EDC3: variants seen among roughly 807,000 people sequenced by gnomAD.
EDC3 encodes enhancer of mRNA-decapping protein 3.
A neutral mutation model predicts 41.8 loss-of-function variants in EDC3; 20 were observed. The ratio of observed to expected loss-of-function variants is 0.48; its 90% CI spans 0.34 to 0.70. EDC3 has a LOEUF of 0.70. Among genes scored for constraint, EDC3 ranks in the 30% least tolerant of loss-of-function variants. The probability of loss-of-function intolerance (pLI) is 0.01; values close to 1 mark genes in which losing one functional copy is unlikely to be tolerated. For missense variants in EDC3, 444 were observed against 636.8 expected (o/e 0.70, Z 3.26); for synonymous variants, 206 against 243.2 (o/e 0.85, Z 1.42).
Position 74,649,226 on chromosome 15 carries a change from G to A in EDC3, c.820+6507C>T, listed in dbSNP as rs894088080. 1.1e-4 allele frequency among the ~76,000 whole-genome samples: 17 copies of A among 151,706 alleles called. No individual in the cohort carries two copies. The East Asian group carries it at 2.9e-3, about 26-fold the overall frequency. ...ACTACAGGCACCTGCCACCACGCCCGGCTAATTTTTTTTTTGTTATTTTTA... is the reference window on the plus strand; with the variant it reads ...ACTACAGGCACCTGCCACCACGCCCAGCTAATTTTTTTTTTGTTATTTTTA... On this transcript the variant is annotated intron_variant, in intron 4 of 6. Transcript: ENST00000315127.
chr15:74,682,605 A>C (rs1339800221), intron 1 of EDC3, among the ~76,000 whole-genome samples: 2 of 142,936 alleles, frequency 1.4e-5, no homozygotes, highest in Non-Finnish European at 3.0e-5. Context: ...GCAACAGAGC[A>C]AGACTCCATC....
intron 1 of EDC3, among the ~76,000 whole-genome samples, chr15:74,691,910 G>A (rs1336390909): frequency 1.3e-5 from 2 of 151,982 alleles, no homozygotes; most frequent in Non-Finnish European, 2.9e-5. Context: ...TCCACCTCCC[G>A]GGTTCAAGCG....
chr15:74,636,592 G>A (rs2062276029), intron 5 of EDC3: 1 of 152,264 alleles, frequency 6.6e-6, no homozygotes, highest in Admixed American at 6.5e-5. Context: ...GGAGGAGATG[G>A]ACGGCAAGGC....
intron 3 of EDC3, among the ~76,000 whole-genome samples, chr15:74,670,907 C>T (rs1180882501): frequency 6.6e-6 from 1 of 152,196 alleles, no homozygotes; most frequent in Non-Finnish European, 1.5e-5. Context: ...GATCAGTCCC[C>T]TCCTCTCTTC....
chr15:74,655,387 T>C (rs1031117396), intron 4 of EDC3, among the ~76,000 whole-genome samples: 10 of 152,162 alleles, frequency 6.6e-5, no homozygotes, highest in Admixed American at 1.3e-4. Flanking sequence ...TCTGGTGAAA[T>C]GTATGGGCAG....
intron 1 of EDC3, among the ~76,000 whole-genome samples, chr15:74,687,771 C>A (rs1030965731): frequency 2.0e-5 from 3 of 152,194 alleles, no homozygotes; most frequent in Non-Finnish European, 2.9e-5. Context: ...CCTTCCTGAT[C>A]AACCTTTGCC....
At chr15:74,681,815 G>C (rs2062873779) in intron 1 of EDC3, among the ~76,000 whole-genome samples, 1 of 152,046 alleles carries the variant, frequency 6.6e-6, no homozygotes, top group Non-Finnish European at 1.5e-5. Flanking sequence ...AAAAACATAA[G>C]AGAAACCCTC....
At chr15:74,640,174 C>A in intron 5 of EDC3, 1 of 337,730 alleles carries the variant, frequency 3.0e-6, no homozygotes. Context: ...TCCGAAGGTT[C>A]CTAGAAGGAA....
At position 74,678,969 on chromosome 15, in the gene EDC3, T is replaced by C. The variant is rs539622150; in HGVS notation, c.-18-3827A>G. On this transcript the variant is annotated intron_variant, in intron 1 of 6. Transcript: ENST00000315127. ...ACTTTGGGAGGCTGAGGAGGGTAGATCACTTGAGTTCAGGAGTTCAAGACC... is the reference window on the plus strand; with the variant it reads ...ACTTTGGGAGGCTGAGGAGGGTAGACCACTTGAGTTCAGGAGTTCAAGACC... Among the ~76,000 whole-genome samples, 35 of 148,890 alleles carry C rather than the reference T, an allele frequency of 2.4e-4. 1 individual carries two copies. In the East Asian group the frequency reaches 6.9e-3, roughly 29 times the overall value.
At position 74,675,132 on chromosome 15, in the gene EDC3, A is replaced by G; in HGVS notation, c.-8T>C. 1 of 1,612,416 alleles carries G rather than the reference A, an allele frequency of 6.2e-7. No individual in the cohort carries two copies. The highest frequency in any genetic ancestry group is 8.5e-7 in the Non-Finnish European group (1 of 1,180,012). ...CAGCCAATCTGTAGCCATGTTTCAC[A>G]CGTGAGACCACTGTGAAGAGAAGGA... On this transcript the variant is annotated 5_prime_UTR_variant, in exon 2 of 7. Transcript: ENST00000315127.
intron 1 of EDC3, among the ~76,000 whole-genome samples, chr15:74,677,978 G>T (rs1252481175): frequency 6.6e-6 from 1 of 150,604 alleles, no homozygotes; most frequent in Non-Finnish European, 1.5e-5. Flanking sequence ...ATTACTAAGT[G>T]AAAGAAGCCA....
intron 1 of EDC3, among the ~76,000 whole-genome samples, chr15:74,684,082 C>CTGTTTT (rs2062906871): frequency 8.1e-6 from 1 of 123,678 alleles, no homozygotes; most frequent in Admixed American, 8.0e-5. Context: ...TTTTTTGTTT[C>CTGTTTT]TGTTTTTTTT....
chr15:74,658,816 T>C (rs2062585051), intron 3 of EDC3, among the ~76,000 whole-genome samples: 2 of 152,040 alleles, frequency 1.3e-5, no homozygotes, highest in Non-Finnish European at 2.9e-5. Context: ...GGCATGCGCC[T>C]GTAGTCCCAG....
At chr15:74,690,930 A>G (rs1484406260) in intron 1 of EDC3, among the ~76,000 whole-genome samples, 2 of 152,188 alleles carry the variant, frequency 1.3e-5, no homozygotes, top group Non-Finnish European at 2.9e-5. Context: ...TCAGGTGGCT[A>G]GTGTCTGCAA....
rs1335886195 is a variant in EDC3 at position 74,667,479 on chromosome 15, G to GGGAGGA, written c.484+3970_484+3975dup. 7.5e-5 allele frequency among the ~76,000 whole-genome samples: 6 copies of GGGAGGA among 79,902 alleles called. No homozygotes were observed. In the East Asian group the frequency reaches 1.8e-3, roughly 24 times the overall value. 52.4% of individuals were successfully genotyped at this position (79,902 alleles called of 152,430 possible). A position where few individuals can be genotyped will look rare whatever the true frequency, so the allele number is the denominator to read the frequency against. On this transcript the variant is annotated intron_variant, in intron 3 of 6. Coordinates refer to ENST00000315127, the MANE Select transcript of EDC3 (RefSeq NM_025083.5). ...GAGGGAGGGGGTGGAGGGAGGAGGA[G>GGGAGGA]GGAGGAGGAGGAGGAGGAGAAGCAG...
chr15:74,661,941 T>C (rs1454880003), intron 3 of EDC3, among the ~76,000 whole-genome samples: 1 of 152,192 alleles, frequency 6.6e-6, no homozygotes, highest in Non-Finnish European at 1.5e-5. Flanking sequence ...GATTTTCTTT[T>C]AGTAAAAAAT....
At chr15:74,642,109 T>G (rs905274965) in intron 4 of EDC3, 2 of 152,184 alleles carry the variant, frequency 1.3e-5, no homozygotes, top group African/African-American at 4.8e-5. Context: ...TAGCTTCATG[T>G]TTTAACAACA....
chr15:74,632,466 A>G lies in EDC3; in HGVS notation c.*146T>C, dbSNP rs2062222539. The G allele has an allele frequency of 2.1e-6, 2 of 965,544 alleles. No homozygotes were observed. 59.8% of individuals were successfully genotyped at this position (965,544 alleles called of 1,614,324 possible). On this transcript the variant is annotated 3_prime_UTR_variant, in exon 7 of 7. Transcript: ENST00000315127. This position sits in a 1 kb window ranked among gnomAD's most constrained non-coding sequence, Gnocchi z 4.0. ...CCTGGCTAAGAGCAAGTGACAGGTC[A>G]GTTTTAAGTAAGTTCTGTTCTCTCA...
intron 4 of EDC3, among the ~76,000 whole-genome samples, chr15:74,651,965 G>A (rs2062485527): frequency 6.6e-6 from 1 of 152,186 alleles, no homozygotes; most frequent in African/African-American, 2.4e-5. Context: ...TGGCAAAACA[G>A]TACACTGTAG....
Sources: allele counts gnomAD v4.1 joint callset (sites outside exome capture counted in the v4.1 genomes callset), GRCh38; gene constraint gnomAD v4.1.1; non-coding constraint Gnocchi (gnomAD v3.1); transcripts MANE v1.5; gene names NCBI Gene and HGNC (gene_info 2026-07-23, HGNC 2026-07-21).